Variants in ADGRL4 observed in about 807,000 individuals in gnomAD.
ADGRL4 encodes the protein EGF, latrophilin and seven transmembrane domain containing 1.
Under a neutral mutation model 74.8 loss-of-function variants are expected in ADGRL4, and 90 were observed. The observed-to-expected ratio is 1.20, with a 90% CI of 1.02 to 1.43. The LOEUF is 1.43. ADGRL4 is among the 40% of genes most tolerant of loss of function. The probability of loss-of-function intolerance (pLI) is 0.00; values close to 1 mark genes in which losing one functional copy is unlikely to be tolerated. For synonymous variants in ADGRL4, 311 were observed against 279.2 expected (o/e 1.11, Z -1.14); for missense variants, 881 against 814.3 (o/e 1.08, Z -1.00).
intron 2 of ADGRL4, among the ~76,000 whole-genome samples, chr1:78,983,573 A>C (rs1383605412): frequency 6.6e-6 from 1 of 151,872 alleles, no homozygotes; most frequent in Non-Finnish European, 1.5e-5. Flanking sequence ...GCAAAGAGAT[A>C]GAAGATGTTG....
At chr1:78,953,058 C>T (rs1326419174) in intron 2 of ADGRL4, among the ~76,000 whole-genome samples, 2 of 151,968 alleles carry the variant, frequency 1.3e-5, no homozygotes, top group African/African-American at 4.8e-5. Context: ...TTAATATACA[C>T]ATATTAGAAA....
chr1:79,005,559 T>A (rs1392535846), intron 1 of ADGRL4, among the ~76,000 whole-genome samples: 1 of 152,214 alleles, frequency 6.6e-6, no homozygotes, highest in East Asian at 1.9e-4. Flanking sequence ...TGAGGTGAGA[T>A]ACTTTGAAAG....
At chr1:78,894,941 C>G (rs17102367) in intron 12 of ADGRL4, among the ~76,000 whole-genome samples, 6,062 of 152,016 alleles carry the variant, frequency 0.04, 153 homozygotes, top group Middle Eastern at 0.058. Context: ...CTAATGGTTT[C>G]TCAGAAGTTC....
chr1:78,996,214 G>A (rs934037149), intron 2 of ADGRL4, among the ~76,000 whole-genome samples: 2 of 152,136 alleles, frequency 1.3e-5, no homozygotes, highest in Non-Finnish European at 2.9e-5. Flanking sequence ...CTGGCTGCAT[G>A]GCATCTATTC....
chr1:78,926,952 T>C lies in ADGRL4; in HGVS notation c.1017A>G (p.Ser339=), dbSNP rs1320408583. The C allele has an allele frequency of 1.2e-6, 2 of 1,612,306 alleles. No individual in the cohort carries two copies. Among genetic ancestry groups the C allele is most frequent in the African/African-American group, 1.3e-5 (1 of 74,850 alleles). Residue 339 remains serine, a synonymous_variant, in exon 8 of 15, where the codon TCA becomes TCG. Coordinates refer to ENST00000370742, the MANE Select transcript of ADGRL4 (RefSeq NM_022159.4). ...ERVISSVISV[S]MSSNPPTLYE... ...ATAATGTGGGTGGGTTTGAGCTCAT[T>C]GAGACTGAAATTACTGAAGATATGA...
At chr1:78,902,508 A>G (rs1648541484) in intron 12 of ADGRL4, among the ~76,000 whole-genome samples, 1 of 152,160 alleles carries the variant, frequency 6.6e-6, no homozygotes, top group African/African-American at 2.4e-5. Context: ...ATTAGGGGGT[A>G]ACAGAGCCAA....
At chr1:78,992,922 T>A (rs889229840) in intron 2 of ADGRL4, among the ~76,000 whole-genome samples, 41 of 152,252 alleles carry the variant, frequency 2.7e-4, no homozygotes, top group African/African-American at 9.9e-4. Context: ...GGATATTAAA[T>A]TATATCTTGG....
rs74592718 is a variant in ADGRL4, at chr1:78,990,450, A to T, written c.172+14620T>A. Among the ~76,000 whole-genome samples the T allele has an allele frequency of 3.1e-3, 464 of 152,072 alleles. 5 individuals carry two copies. The highest frequency in any genetic ancestry group is 0.011 in the African/African-American group (441 of 41,560). On this transcript the variant is annotated intron_variant, in intron 2 of 14. Transcript: ENST00000370742. ...GACTTAGGTTTGGCTTTCTTAACACAATAATGCAATTTTTCCTATGGATTA... is the reference window on the plus strand; with the variant it reads ...GACTTAGGTTTGGCTTTCTTAACACTATAATGCAATTTTTCCTATGGATTA...
At chr1:78,943,037 T>C (rs1191075996) in intron 3 of ADGRL4, among the ~76,000 whole-genome samples, 3 of 152,160 alleles carry the variant, frequency 2.0e-5, no homozygotes, top group Admixed American at 1.3e-4. Context: ...AACATGATCA[T>C]ATGATGGTTA....
At chr1:78,892,688 CA>C (rs1266274896) in intron 13 of ADGRL4, among the ~76,000 whole-genome samples, 1 of 151,974 alleles carries the variant, frequency 6.6e-6, no homozygotes, top group Non-Finnish European at 1.5e-5. Context: ...TCTTCCTGAA[CA>C]AATCATTTTC....
Position 78,991,421 on chromosome 1 carries a change from G to A in ADGRL4, c.172+13649C>T, listed in dbSNP as rs141744589. Among the ~76,000 whole-genome samples, 132 of 152,044 alleles carry A rather than the reference G, an allele frequency of 8.7e-4. 1 individual carries two copies. The East Asian group carries it at 0.023, about 27-fold the overall frequency. ...AGTATCTTCTGCAATTCTTTCTCCT[G>A]TGTAAATACAATTAGAGTTAATATC... On this transcript the variant is annotated intron_variant, in intron 2 of 14. Coordinates refer to ENST00000370742, the MANE Select transcript of ADGRL4 (RefSeq NM_022159.4).
chr1:78,996,513 A>C (rs921699493), intron 2 of ADGRL4, among the ~76,000 whole-genome samples: 1 of 152,230 alleles, frequency 6.6e-6, no homozygotes, highest in Non-Finnish European at 1.5e-5. Flanking sequence ...CATAGAAGAT[A>C]AGTGGTCTTC....
chr1:78,901,982 A>G (rs1648530109), intron 12 of ADGRL4, among the ~76,000 whole-genome samples: 1 of 152,188 alleles, frequency 6.6e-6, no homozygotes, highest in Admixed American at 6.6e-5. Context: ...TCTGAAATAC[A>G]CTGAAACATC....
At chr1:78,987,639 G>T (rs914716326) in intron 2 of ADGRL4, among the ~76,000 whole-genome samples, 4 of 151,714 alleles carry the variant, frequency 2.6e-5, no homozygotes, top group Admixed American at 2.6e-4. Context: ...TATGTTATTG[G>T]AACACTAATA....
chr1:79,006,502 C>T, intron 1 of ADGRL4, 131 bp downstream of exon 1: 1 of 1,030,174 alleles, frequency 9.7e-7, no homozygotes, highest in Non-Finnish European at 1.4e-6. Flanking sequence ...CTGAGAAGTA[C>T]TAAATCAATT....
chr1:78,937,336 T>C lies in ADGRL4; in HGVS notation c.760+471A>G, dbSNP rs527335542. Among the ~76,000 whole-genome samples the C allele has an allele frequency of 9.9e-4, 150 of 152,078 alleles. 1 individual carries two copies. Among genetic ancestry groups the C allele is most frequent in the African/African-American group, 3.4e-3 (140 of 41,510 alleles). The stretch of plus-strand genomic sequence containing the variant: ...GGCACACGCCTGTAATCCCAGCAAG[T>C]TGGGAGGCTGAGACAGGAGAATTGC... On this transcript the variant is annotated intron_variant, in intron 6 of 14. Coordinates refer to ENST00000370742, the MANE Select transcript of ADGRL4 (RefSeq NM_022159.4).
At chr1:78,960,162 CA>C (rs1649920364) in intron 2 of ADGRL4, among the ~76,000 whole-genome samples, 2 of 151,986 alleles carry the variant, frequency 1.3e-5, no homozygotes, top group African/African-American at 4.8e-5. Context: ...TACATAAAAG[CA>C]TATCATTGTA....
In ADGRL4 at chr1:78,921,599, G is replaced by A; in HGVS notation, c.1257+14C>T. ...AAGCAACATTTATAAATATGAAGGG[G>A]AAAATTATCTTACAATGGAAGGACC... On this transcript the variant is annotated intron_variant, in intron 9 of 14. Coordinates refer to ENST00000370742, the MANE Select transcript of ADGRL4 (RefSeq NM_022159.4). The A allele has an allele frequency of 7.2e-7, 1 of 1,388,544 alleles. No homozygotes were observed. The highest frequency in any genetic ancestry group is 9.5e-7 in the Non-Finnish European group (1 of 1,056,378). The allele number at this position is 1,388,544 out of a possible 1,614,324, so 86.0% of individuals were successfully genotyped here.
At chr1:78,965,570 A>C (rs1186390372) in intron 2 of ADGRL4, among the ~76,000 whole-genome samples, 1 of 152,220 alleles carries the variant, frequency 6.6e-6, no homozygotes, top group Non-Finnish European at 1.5e-5. Context: ...ACTTCTTTTA[A>C]ATAACCTACT....
Sources: gnomAD v4.1 joint callset for allele counts (sites outside exome capture counted in the v4.1 genomes callset) on GRCh38, gnomAD v4.1.1 for gene constraint, MANE v1.5 for transcripts, NCBI Gene and HGNC (gene_info 2026-07-23, HGNC 2026-07-21) for gene names.